The following CTNNA1 variants were observed in gnomAD, a reference collection of about 807,000 sequenced individuals.
The protein encoded by CTNNA1 is catenin alpha-1.
CTNNA1 carries 37 observed loss-of-function variants against 98.4 expected under a neutral mutation model. The observed-to-expected ratio is 0.38, with a 90% confidence interval of 0.29 to 0.49. The LOEUF is 0.49. Ranked by LOEUF, CTNNA1 falls within the 20% of genes least tolerant of loss-of-function variation. The pLI is 0.95. For synonymous variants in CTNNA1, 404 were observed against 413.2 expected (o/e 0.98, Z 0.27); for missense variants, 761 against 1,147.2 (o/e 0.66, Z 4.86).
chr5:138,814,374 G>A (rs929787797), intron 5 of CTNNA1, among the ~76,000 whole-genome samples: 4 of 151,644 alleles, frequency 2.6e-5, no homozygotes, highest in South Asian at 2.1e-4. Flanking sequence ...TCAGCCTCCC[G>A]TCAGTGTGCT....
chr5:138,824,780 A>G lies in CTNNA1; in HGVS notation c.839A>G (p.Tyr280Cys), dbSNP rs1427235870. Residue 280 changes from tyrosine to cysteine, a missense_variant, in exon 6 of 18, where the codon TAT (tyrosine) becomes TGT (cysteine). Tyr to Cys is a radical substitution (Grantham distance 194, BLOSUM62 -2). Around this residue, in one of 6 missense-constraint regions of CTNNA1, gnomAD observed 328 missense variants for 354.3 expected, o/e 0.93. Coordinates refer to ENST00000302763, the MANE Select transcript of CTNNA1 (RefSeq NM_001903.5). ...GGTGGAGGAGGAGGAGAACTGGCATATGCACTCAATAACTTTGACGTAAGT... is the reference window on the plus strand; with the variant it reads ...GGTGGAGGAGGAGGAGAACTGGCATGTGCACTCAATAACTTTGACGTAAGT... ...HQGGGGGELA[Y>C]ALNNFDKQII... 8 of 1,613,886 alleles carry G rather than the reference A, an allele frequency of 5.0e-6. No homozygotes were observed. In the Admixed American group the frequency reaches 1.3e-4, roughly 27 times the overall value.
chr5:138,773,333 G>A (rs1753752820), intron 1 of CTNNA1, among the ~76,000 whole-genome samples: 1 of 152,214 alleles, frequency 6.6e-6, no homozygotes, highest in Non-Finnish European at 1.5e-5. Context: ...TTTCTGTCAT[G>A]ACGGCATTTG....
chr5:138,923,104 A>T (rs1325242718), intron 11 of CTNNA1, among the ~76,000 whole-genome samples: 1 of 152,132 alleles, frequency 6.6e-6, no homozygotes, highest in African/African-American at 2.4e-5. Context: ...TATCAACATG[A>T]TTTCTTTCAA....
At chr5:138,882,483 C>T in intron 7 of CTNNA1, among the ~76,000 whole-genome samples, 1 of 152,102 alleles carries the variant, frequency 6.6e-6, no homozygotes, top group Non-Finnish European at 1.5e-5. Flanking sequence ...TTATGTGGAT[C>T]TTTCAATGTA....
rs70982740 is a variant in CTNNA1 at position 138,910,226 on chromosome 5, CTTTTTTTTTTTTT to C, written c.1389+5800_1389+5812del. On this transcript the variant is annotated intron_variant, in intron 10 of 17. Transcript: ENST00000302763. ...AAATTGGAAAGTGTTTCCTACTTTT[CTTTTTTTTTTTTT>C]TTTTTTTTTTTTTTGGAAAAATCTG... Among the ~76,000 whole-genome samples, 31 of 53,272 alleles carry C rather than the reference CTTTTTTTTTTTTT, an allele frequency of 5.8e-4. No individual in the cohort carries two copies. The South Asian group carries it at 6.0e-3, about 10-fold the overall frequency. 34.9% of individuals were successfully genotyped at this position (53,272 alleles called of 152,430 possible).
chr5:138,873,221 C>T lies in CTNNA1; in HGVS notation c.1063-12991C>T. The T allele has an allele frequency of 6.2e-7, 1 of 1,613,920 alleles. No individual in the cohort carries two copies. ...AATTCTTCTTAAAGTGGGAGGGCAG[C>T]ACTTCCTGGAGATGAACACTATAAA... On this transcript the variant is annotated intron_variant, in intron 7 of 17. Transcript: ENST00000302763. This position sits in a 1 kb window ranked among gnomAD's most constrained non-coding sequence, Gnocchi z 6.1.
chr5:138,881,129 A>G (rs1752815095), intron 7 of CTNNA1: 1 of 456,024 alleles, frequency 2.2e-6, no homozygotes, highest in African/African-American at 2.0e-5. Context: ...GGCTGGAGAG[A>G]GCAGTGAGGT....
intron 1 of CTNNA1, among the ~76,000 whole-genome samples, chr5:138,760,110 T>C (rs1282585874): frequency 7.0e-6 from 1 of 142,828 alleles, no homozygotes; most frequent in Non-Finnish European, 1.5e-5. Context: ...TTCTCCTGCC[T>C]CAGCCTCCTG....
intron 11 of CTNNA1, among the ~76,000 whole-genome samples, 191 bp downstream of exon 11, chr5:138,918,089 T>C (rs561359940): frequency 2.4e-4 from 37 of 152,176 alleles, no homozygotes; most frequent in South Asian, 1.7e-3. Flanking sequence ...TCTCAGCTAC[T>C]AGGAAGTAGC....
intron 3 of CTNNA1, among the ~76,000 whole-genome samples, chr5:138,784,789 C>T (rs768928484): frequency 1.3e-5 from 2 of 152,152 alleles, no homozygotes; most frequent in Admixed American, 6.5e-5. Flanking sequence ...CAATTCTTAG[C>T]ATTCCTTGGC....
At chr5:138,815,482 C>G (rs915225929) in intron 5 of CTNNA1, among the ~76,000 whole-genome samples, 3 of 152,028 alleles carry the variant, frequency 2.0e-5, no homozygotes, top group Non-Finnish European at 4.4e-5. Context: ...TCTTAGGCCT[C>G]TTTCCTGCTG....
At chr5:138,931,009 G>C (rs757977978) in intron 16 of CTNNA1, 74 bp downstream of exon 16, 27 of 948,554 alleles carry the variant, frequency 2.8e-5, no homozygotes, top group Non-Finnish European at 4.3e-5. Flanking sequence ...GTCCATTCAG[G>C]GTAAGTTTCA....
chr5:138,762,664 A>G (rs1158041850), intron 1 of CTNNA1, among the ~76,000 whole-genome samples: 1 of 151,540 alleles, frequency 6.6e-6, no homozygotes, highest in Non-Finnish European at 1.5e-5. Flanking sequence ...ACCAGCTGTA[A>G]GTTTGGAGTA....
In CTNNA1 at chr5:138,810,084, C is replaced by G. The variant is rs1455080825; in HGVS notation, c.348C>G (p.Cys116Trp). Reference protein sequence around the residue: ...AAAGEFADDPCSSVKRGNMVR... With the variant: ...AAAGEFADDPWSSVKRGNMVR... ...CAGGAGAGTTCGCAGATGATCCCTG[C>G]TCTTCTGTGAAGCGAGGCAACATGG... Residue 116 changes from cysteine (C) to tryptophan (W), a missense_variant, in exon 4 of 18, where the codon TGC becomes TGG. Around this residue, in one of 6 missense-constraint regions of CTNNA1, gnomAD observed 328 missense variants for 354.3 expected, o/e 0.93. Transcript: ENST00000302763. The G allele has an allele frequency of 6.2e-7, 1 of 1,614,002 alleles. No individual in the cohort carries two copies. Among genetic ancestry groups the G allele is most frequent in the African/African-American group, 1.3e-5 (1 of 74,934 alleles).
rs1358125587 is a variant in CTNNA1 at position 138,874,616 on chromosome 5, G to A, written c.1063-11596G>A. 2 of 1,090,660 alleles carry A rather than the reference G, an allele frequency of 1.8e-6. No homozygotes were observed. The highest frequency in any genetic ancestry group is 2.6e-6 in the Non-Finnish European group (2 of 777,182). The allele number at this position is 1,090,660 out of a possible 1,614,324, so 67.6% of individuals were successfully genotyped here. On this transcript the variant is annotated intron_variant, in intron 7 of 17. Coordinates refer to ENST00000302763, the MANE Select transcript of CTNNA1 (RefSeq NM_001903.5). The surrounding 1 kb of genome is among the most constrained non-coding windows in gnomAD (Gnocchi z 4.1). ...GGATATTTTTCAGCAGAACATATGG[G>A]CTATTTAAAAAAAACAACCACCACC...
At chr5:138,933,675 C>T in intron 17 of CTNNA1, 127 bp from the exon 18 acceptor site, 1 of 943,770 alleles carries the variant, frequency 1.1e-6, no homozygotes, top group Non-Finnish European at 1.6e-6. Flanking sequence ...GCTGCCCAAT[C>T]CTCTGCGACC....
intron 7 of CTNNA1, chr5:138,871,899 C>T (rs929394452): frequency 1.4e-4 from 21 of 151,960 alleles, no homozygotes; most frequent in African/African-American, 4.8e-4. Context: ...AGTGTTAAGC[C>T]TGTTGCTAGC....
At chr5:138,925,885 C>T (rs1221312022) in intron 13 of CTNNA1, among the ~76,000 whole-genome samples, 7 of 152,190 alleles carry the variant, frequency 4.6e-5, no homozygotes, top group African/African-American at 1.7e-4. Flanking sequence ...AAGTGCCGAG[C>T]CCCTTTCCCC....
intron 11 of CTNNA1, among the ~76,000 whole-genome samples, chr5:138,920,212 T>C (rs1042174965): frequency 6.6e-6 from 1 of 152,128 alleles, no homozygotes; most frequent in Admixed American, 6.6e-5. Context: ...ACTCCTGACC[T>C]CAGGTGATCC....
Sources: gnomAD v4.1 joint callset for allele counts (sites outside exome capture counted in the v4.1 genomes callset) on GRCh38, gnomAD v4.1.1 for gene constraint, gnomAD v4.1.1 regional missense constraint, Gnocchi (gnomAD v3.1) non-coding constraint, MANE v1.5 for transcripts, NCBI Gene and HGNC (gene_info 2026-07-23, HGNC 2026-07-21) for gene names.